The following STX8 variants were observed in gnomAD, a reference collection of about 807,000 sequenced individuals.
The protein encoded by STX8 is syntaxin 8, also known as syntaxin-8.
STX8 carries 23 observed loss-of-function variants against 37.5 expected under a neutral mutation model. The ratio of observed to expected loss-of-function variants is 0.61; its 90% CI spans 0.44 to 0.87. STX8 has a LOEUF of 0.87. STX8 is among the 40% of genes least tolerant of loss of function. The probability of loss-of-function intolerance (pLI) is 0.00; values close to 1 mark genes in which losing one functional copy is unlikely to be tolerated. For missense variants in STX8, 313 were observed against 284.7 expected, an observed-to-expected ratio of 1.10 and a Z score of -0.71; for synonymous variants, 115 against 99.1, an observed-to-expected ratio of 1.16 and a Z score of -0.95.
At chr17:9,473,046 CTT>C (rs11309971) in intron 6 of STX8, among the ~76,000 whole-genome samples, 93 of 145,590 alleles carry the variant, frequency 6.4e-4, no homozygotes, top group Admixed American at 1.4e-3. Flanking sequence ...ATCTTTTTTT[CTT>C]TTTTTTTTTT....
At chr17:9,398,936 C>G (rs559551655) in intron 6 of STX8, among the ~76,000 whole-genome samples, 2 of 151,506 alleles carry the variant, frequency 1.3e-5, no homozygotes, top group Admixed American at 6.6e-5. Flanking sequence ...GTAATCCCAG[C>G]TACTCGGGAG....
intron 7 of STX8, among the ~76,000 whole-genome samples, chr17:9,251,679 A>C (rs919887153): frequency 6.6e-6 from 1 of 152,252 alleles, no homozygotes; most frequent in African/African-American, 2.4e-5. Context: ...TTCGTGAGCA[A>C]AGAAAATGCT....
intron 2 of STX8, among the ~76,000 whole-genome samples, chr17:9,563,151 C>CCATTTATT (rs1555537846): frequency 2.7e-4 from 38 of 141,100 alleles, no homozygotes; most frequent in Non-Finnish European, 1.7e-4. Flanking sequence ...ATTCATTCAT[C>CCATTTATT]CATTTATTTA....
At chr17:9,398,791 G>A (rs1597647379) in intron 6 of STX8, among the ~76,000 whole-genome samples, 1 of 152,194 alleles carries the variant, frequency 6.6e-6, no homozygotes, top group East Asian at 1.9e-4. Context: ...CTCACTTAAG[G>A]AACCTCCAGT....
At chr17:9,390,120 C>T (rs962063974) in intron 6 of STX8, among the ~76,000 whole-genome samples, 2 of 152,188 alleles carry the variant, frequency 1.3e-5, no homozygotes, top group South Asian at 2.1e-4. Flanking sequence ...TGGCCACACT[C>T]GCTCACACCT....
intron 7 of STX8, among the ~76,000 whole-genome samples, chr17:9,269,063 T>C (rs527446790): frequency 1.0e-3 from 159 of 151,950 alleles, no homozygotes; most frequent in Non-Finnish European, 1.8e-3. Context: ...GGCGGGCGCC[T>C]GTAGTCCCAG....
chr17:9,396,656 G>GTCGAGATCGAGCCATTGCAC (rs2142311750), intron 6 of STX8, among the ~76,000 whole-genome samples: 1 of 149,320 alleles, frequency 6.7e-6, no homozygotes, highest in Non-Finnish European at 1.5e-5. Flanking sequence ...GTTGCAGTGA[G>GTCGAGATCGAGCCATTGCAC]TCGAGATCGA....
At chr17:9,332,311 C>T (rs949149466) in intron 7 of STX8, among the ~76,000 whole-genome samples, 1 of 152,180 alleles carries the variant, frequency 6.6e-6, no homozygotes, top group East Asian at 1.9e-4. Context: ...AGGCAGAGAT[C>T]TCATCATTTC....
chr17:9,418,238 T>C (rs1343683973), intron 6 of STX8, among the ~76,000 whole-genome samples: 1 of 152,088 alleles, frequency 6.6e-6, no homozygotes, highest in African/African-American at 2.4e-5. Flanking sequence ...AGACGTGGTA[T>C]TGGAAAAGTC....
At chr17:9,388,777 TGGG>T (rs1912105064) in intron 6 of STX8, among the ~76,000 whole-genome samples, 1 of 142,126 alleles carries the variant, frequency 7.0e-6, no homozygotes, top group South Asian at 2.2e-4. Flanking sequence ...CACTCCAGCC[TGGG>T]CAACAAGAGC....
intron 7 of STX8, among the ~76,000 whole-genome samples, chr17:9,259,234 T>C (rs1453512453): frequency 1.3e-5 from 2 of 152,180 alleles, no homozygotes; most frequent in Non-Finnish European, 2.9e-5. Context: ...GTTGTGAGGA[T>C]TTCGGAAGAT....
chr17:9,460,435 G>A (rs529425511), intron 6 of STX8, among the ~76,000 whole-genome samples: 10 of 152,252 alleles, frequency 6.6e-5, no homozygotes, highest in African/African-American at 2.4e-4. Flanking sequence ...CTCTTTGGGA[G>A]TCCGAGACAG....
intron 7 of STX8, among the ~76,000 whole-genome samples, chr17:9,367,502 G>C (rs534271539): frequency 6.6e-5 from 10 of 152,248 alleles, no homozygotes; most frequent in African/African-American, 2.4e-4. Flanking sequence ...GTCTGCCTCT[G>C]ATTCTGGTTC....
Position 9,524,755 on chromosome 17 carries a change from T to C in STX8, c.324-19593A>G, listed in dbSNP as rs946679604. ...AAAGCAAATTATCAAGATGGACACC[T>C]ATTTTGATTTGTTTTGTTTTGTTTT... On this transcript the variant is annotated intron_variant, in intron 4 of 7. Transcript: ENST00000306357. Among the ~76,000 whole-genome samples, 23 of 147,170 alleles carry C rather than the reference T, an allele frequency of 1.6e-4. No individual in the cohort carries two copies. In the East Asian group the frequency reaches 3.6e-3, roughly 23 times the overall value.
intron 6 of STX8, among the ~76,000 whole-genome samples, chr17:9,436,869 C>G (rs995757364): frequency 3.9e-5 from 6 of 152,204 alleles, no homozygotes; most frequent in Non-Finnish European, 1.5e-5. Flanking sequence ...ATTTTTCAAA[C>G]GCTGACTCCT....
At chr17:9,293,695 T>C (rs1372412019) in intron 7 of STX8, among the ~76,000 whole-genome samples, 2 of 152,142 alleles carry the variant, frequency 1.3e-5, no homozygotes, top group Admixed American at 1.3e-4. Flanking sequence ...ACATATATGT[T>C]ATCCATTTTA....
In STX8 at chr17:9,267,915, C is replaced by T. The variant is rs577860807; in HGVS notation, c.644-17270G>A. 9.3e-5 allele frequency among the ~76,000 whole-genome samples: 14 copies of T among 151,216 alleles called. No homozygotes were observed. The South Asian group carries it at 1.3e-3, about 14-fold the overall frequency. On this transcript the variant is annotated intron_variant, in intron 7 of 7. Coordinates refer to ENST00000306357, the MANE Select transcript of STX8 (RefSeq NM_004853.3). ...CTGAGGCAGGAGAATCACTTGAACC[C>T]GGGAGGCGGAGGTTGCAGTGAGCTG...
At chr17:9,278,304 C>T (rs551384559) in intron 7 of STX8, among the ~76,000 whole-genome samples, 75 of 152,314 alleles carry the variant, frequency 4.9e-4, no homozygotes, top group Admixed American at 7.8e-4. Flanking sequence ...CAAAATTAGC[C>T]GGGCACGGCA....
chr17:9,437,398 A>T (rs1478359803), intron 6 of STX8, among the ~76,000 whole-genome samples: 1 of 152,240 alleles, frequency 6.6e-6, no homozygotes, highest in African/African-American at 2.4e-5. Context: ...ATCCATTCAT[A>T]AGGCTGATAC....
Sources: allele counts gnomAD v4.1 joint callset (sites outside exome capture counted in the v4.1 genomes callset), GRCh38; gene constraint gnomAD v4.1.1; transcripts MANE v1.5; gene names NCBI Gene and HGNC (gene_info 2026-07-23, HGNC 2026-07-21).